Variants in ZNF804A observed in about 807,000 individuals in gnomAD.
ZNF804A encodes the protein zinc finger protein 804A.
ZNF804A carries 2 observed loss-of-function variants against 16.5 expected under a neutral mutation model. The observed-to-expected ratio is 0.12, with a 90% CI of 0.05 to 0.38. ZNF804A has a LOEUF of 0.38. Among genes scored for constraint, ZNF804A ranks in the 10% least tolerant of loss-of-function variants. The pLI is 0.99. For synonymous variants in ZNF804A, 534 were observed against 489.6 expected (o/e 1.09, Z -1.20); for missense variants, 1,473 against 1,390.7 (o/e 1.06, Z -0.94).
chr2:184,611,079 A>C (rs1475727020), intron 1 of ZNF804A, among the ~76,000 whole-genome samples: 1 of 152,144 alleles, frequency 6.6e-6, no homozygotes, highest in Non-Finnish European at 1.5e-5. Context: ...TTAAGGTGCC[A>C]ATTTGGTGTC....
At chr2:184,859,274 A>G (rs565758651) in intron 1 of ZNF804A, among the ~76,000 whole-genome samples, 2 of 152,144 alleles carry the variant, frequency 1.3e-5, no homozygotes, top group East Asian at 1.9e-4. Context: ...AATAAATTCC[A>G]TAAGGATCTT....
chr2:184,651,788 T>C (rs530836016), intron 1 of ZNF804A, among the ~76,000 whole-genome samples: 1 of 152,006 alleles, frequency 6.6e-6, no homozygotes, highest in Non-Finnish European at 1.5e-5. Flanking sequence ...ATTCAAAAAA[T>C]AATAGATGCT....
chr2:184,723,682 C>A (rs530616154), intron 1 of ZNF804A, among the ~76,000 whole-genome samples: 1 of 151,662 alleles, frequency 6.6e-6, no homozygotes, highest in East Asian at 1.9e-4. Flanking sequence ...TTATTGCTTT[C>A]AGTCTATATA....
intron 1 of ZNF804A, among the ~76,000 whole-genome samples, chr2:184,689,755 A>G (rs1035816139): frequency 2.6e-5 from 4 of 152,078 alleles, no homozygotes; most frequent in African/African-American, 9.7e-5. Context: ...CAGGGCTGCC[A>G]TAACAGAAAC....
intron 1 of ZNF804A, among the ~76,000 whole-genome samples, chr2:184,801,503 C>T (rs1694726890): frequency 1.3e-5 from 2 of 152,010 alleles, no homozygotes; most frequent in Admixed American, 6.6e-5. Context: ...TTTCTTTTTG[C>T]AATTTCATTT....
Position 184,938,714 on chromosome 2 carries a change from C to CGCTGCAGCTGCTGCA in ZNF804A, c.3330_3344dup (p.Ala1115_Ala1119dup), listed in dbSNP as rs749760699. On this transcript the variant is annotated inframe_insertion, in exon 4 of 4. Coordinates refer to ENST00000302277, the MANE Select transcript of ZNF804A (RefSeq NM_194250.2). ...TCCATCACACTGTTTTGCAGCAGCA[C>CGCTGCAGCTGCTGCA]GCTGCAGCTGCTGCAGCTGCAGCTG... The CGCTGCAGCTGCTGCA allele has an allele frequency of 6.2e-6, 10 of 1,612,288 alleles. No homozygotes were observed. Among genetic ancestry groups the CGCTGCAGCTGCTGCA allele is most frequent in the African/African-American group, 2.7e-5 (2 of 74,730 alleles).
chr2:184,819,767 C>A (rs1390018820), intron 1 of ZNF804A, among the ~76,000 whole-genome samples: 1 of 151,964 alleles, frequency 6.6e-6, no homozygotes, highest in Non-Finnish European at 1.5e-5. Flanking sequence ...ATAAAAACAA[C>A]CATCACAGAA....
At chr2:184,640,570 T>C (rs1201857245) in intron 1 of ZNF804A, among the ~76,000 whole-genome samples, 3 of 152,124 alleles carry the variant, frequency 2.0e-5, no homozygotes, top group Admixed American at 2.0e-4. Flanking sequence ...CCAATATTCC[T>C]TATTAACATA....
intron 1 of ZNF804A, among the ~76,000 whole-genome samples, chr2:184,655,155 G>A (rs1692053533): frequency 6.6e-6 from 1 of 152,016 alleles, no homozygotes; most frequent in African/African-American, 2.4e-5. Context: ...TGGAAATACT[G>A]CCCAGATTGT....
At chr2:184,868,748 A>G (rs1695923663) in intron 2 of ZNF804A, among the ~76,000 whole-genome samples, 1 of 152,050 alleles carries the variant, frequency 6.6e-6, no homozygotes, top group Non-Finnish European at 1.5e-5. Flanking sequence ...ACTTTTATGC[A>G]GATCCTGTCC....
rs1685814652 is a variant in ZNF804A, at chr2:184,937,625, T to C, written c.2229T>C (p.Asn743=). Residue 743 remains asparagine, a synonymous_variant, in exon 4 of 4, where the codon AAT becomes AAC. Transcript: ENST00000302277. ...SQDHRSLVLQ[N]DMKHMSQNQA... The stretch of plus-strand genomic sequence containing the variant: ...ATCACAGAAGCTTAGTTCTTCAAAA[T>C]GATATGAAACACATGAGTCAGAATC... The C allele has an allele frequency of 6.2e-7, 1 of 1,613,690 alleles. No homozygotes were observed. Among genetic ancestry groups the C allele is most frequent in the African/African-American group, 1.3e-5 (1 of 74,938 alleles).
At chr2:184,660,499 G>T (rs1056078200) in intron 1 of ZNF804A, among the ~76,000 whole-genome samples, 1 of 152,144 alleles carries the variant, frequency 6.6e-6, no homozygotes, top group Admixed American at 6.6e-5. Flanking sequence ...CCCCACCACT[G>T]CCTGTCTTCT....
At chr2:184,733,453 A>G (rs1425561920) in intron 1 of ZNF804A, among the ~76,000 whole-genome samples, 2 of 152,006 alleles carry the variant, frequency 1.3e-5, no homozygotes, top group Non-Finnish European at 2.9e-5. Flanking sequence ...GGAGTTTTTT[A>G]CATTTCTGTC....
chr2:184,629,143 G>A (rs1312623781), intron 1 of ZNF804A, among the ~76,000 whole-genome samples: 1 of 151,832 alleles, frequency 6.6e-6, no homozygotes, highest in Non-Finnish European at 1.5e-5. Context: ...TTGATTCACG[G>A]GCATTCTTTA....
intron 1 of ZNF804A, among the ~76,000 whole-genome samples, chr2:184,639,035 C>T (rs1355772498): frequency 6.9e-6 from 1 of 145,446 alleles, no homozygotes; most frequent in Non-Finnish European, 1.5e-5. Context: ...CTATAACTTA[C>T]TTCATGCATC....
intron 1 of ZNF804A, among the ~76,000 whole-genome samples, chr2:184,790,258 C>A (rs1365173242): frequency 6.6e-6 from 1 of 150,960 alleles, no homozygotes; most frequent in East Asian, 1.9e-4. Flanking sequence ...TGCCTTATGG[C>A]CAATCATATG....
intron 1 of ZNF804A, among the ~76,000 whole-genome samples, chr2:184,673,768 G>T (rs1692377073): frequency 6.6e-6 from 1 of 152,106 alleles, no homozygotes; most frequent in South Asian, 2.1e-4. Context: ...AACTATTGTG[G>T]TAGCACCACA....
At chr2:184,932,268 A>G (rs72893092) in intron 2 of ZNF804A, among the ~76,000 whole-genome samples, 18,304 of 152,084 alleles carry the variant, frequency 0.12, 1,691 homozygotes, top group African/African-American at 0.26. Context: ...CCAATTTACC[A>G]TATTAGTTCT....
chr2:184,649,652 C>A (rs1691947681), intron 1 of ZNF804A, among the ~76,000 whole-genome samples: 1 of 151,958 alleles, frequency 6.6e-6, no homozygotes, highest in African/African-American at 2.4e-5. Flanking sequence ...CCCCTATACA[C>A]ACAAACTAGA....
Sources: allele counts gnomAD v4.1 joint callset (sites outside exome capture counted in the v4.1 genomes callset), GRCh38; gene constraint gnomAD v4.1.1; transcripts MANE v1.5; gene names NCBI Gene and HGNC (gene_info 2026-07-23, HGNC 2026-07-21).